NUDT4: variants seen among roughly 807,000 people sequenced by gnomAD.
NUDT4 encodes diphosphoinositol polyphosphate phosphohydrolase 2.
Under a neutral mutation model 23.1 loss-of-function variants are expected in NUDT4, and 5 were observed. The ratio of observed to expected loss-of-function variants is 0.22; its 90% CI spans 0.11 to 0.46. NUDT4 has a LOEUF of 0.46. Ranked by LOEUF, NUDT4 falls within the 20% of genes least tolerant of loss-of-function variation. The probability of loss-of-function intolerance (pLI) is 0.99; values close to 1 mark genes in which losing one functional copy is unlikely to be tolerated. For missense variants in NUDT4, 96 were observed against 211.6 expected, an observed-to-expected ratio of 0.45 and a Z score of 3.39; for synonymous variants, 50 against 79.0, an observed-to-expected ratio of 0.63 and a Z score of 1.95.
intron 1 of NUDT4, among the ~76,000 whole-genome samples, chr12:93,390,780 A>AT (rs1435732500): frequency 6.6e-6 from 1 of 151,838 alleles, no homozygotes; most frequent in African/African-American, 2.4e-5. Context: ...TGATTTCTGT[A>AT]TTTTTTTGTA....
At chr12:93,382,713 GT>G (rs1875770677) in intron 1 of NUDT4, among the ~76,000 whole-genome samples, 1 of 120,310 alleles carries the variant, frequency 8.3e-6, no homozygotes, top group Non-Finnish European at 1.6e-5. Flanking sequence ...GTCTCGCTCT[GT>G]CCTCCAGGCT....
intron 1 of NUDT4, among the ~76,000 whole-genome samples, chr12:93,386,561 CAG>C (rs1476762041): frequency 6.6e-6 from 1 of 151,026 alleles, no homozygotes; most frequent in Admixed American, 6.6e-5. Flanking sequence ...ACCTGGGTGA[CAG>C]AGTGAGACCC....
chr12:93,403,664 G>A lies in NUDT4; in HGVS notation c.*4285G>A, dbSNP rs1248373110. On this transcript the variant is annotated 3_prime_UTR_variant, in exon 5 of 5. Coordinates refer to ENST00000415493, the MANE Select transcript of NUDT4 (RefSeq NM_019094.6). ...CTTCAGTATTTTTCAAGGTTTTACA[G>A]CTTTTTTATCTATAGACTTATACCA... is the stretch of plus-strand genomic sequence containing the variant. 1 of 152,120 alleles carries A rather than the reference G, an allele frequency of 6.6e-6. No homozygotes were observed. The highest frequency in any genetic ancestry group is 1.9e-4 in the East Asian group (1 of 5,192). The allele number at this position is 152,120 out of a possible 1,614,324, so 9.4% of individuals were successfully genotyped here. A position where few individuals can be genotyped will look rare whatever the true frequency, so the allele number is the denominator to read the frequency against.
intron 4 of NUDT4, 135 bp from the exon 5 acceptor site, chr12:93,399,042 G>T: frequency 1.4e-6 from 1 of 718,656 alleles, no homozygotes; most frequent in Non-Finnish European, 2.3e-6. Flanking sequence ...TTCAAATGTA[G>T]AGATGCATAT....
rs566623639 is a variant in NUDT4, at chr12:93,383,715, C to G, written c.99+5294C>G. On this transcript the variant is annotated intron_variant, in intron 1 of 4. Coordinates refer to ENST00000415493, the MANE Select transcript of NUDT4 (RefSeq NM_019094.6). ...GGCGTGGTGGTGTGTGCCTGTAGTG[C>G]TGGCTACTCCGGAGGCTGAGGTAGG... Among the ~76,000 whole-genome samples the G allele has an allele frequency of 3.3e-5, 5 of 152,304 alleles. No homozygotes were observed. The Middle Eastern group carries it at 0.014, about 414-fold the overall frequency.
In NUDT4 at chr12:93,395,472, T is replaced by A; in HGVS notation, c.211-17T>A. On this transcript the variant is annotated splice_polypyrimidine_tract_variant and intron_variant, in intron 2 of 4. Coordinates refer to ENST00000415493, the MANE Select transcript of NUDT4 (RefSeq NM_019094.6). Reference sequence around the variant, plus strand: ...TATAAAAAGGTAAACATTTTATATTTCATCTTTTTTTAATAGGCTGGAGTC... The same window carrying A: ...TATAAAAAGGTAAACATTTTATATTACATCTTTTTTTAATAGGCTGGAGTC... The A allele has an allele frequency of 6.3e-7, 1 of 1,578,290 alleles. No homozygotes were observed. Among genetic ancestry groups the A allele is most frequent in the Admixed American group, 1.7e-5 (1 of 59,866 alleles).
In NUDT4 at chr12:93,403,126, C is replaced by T. The variant is rs1039386082; in HGVS notation, c.*3747C>T. 3 of 151,542 alleles carry T rather than the reference C, an allele frequency of 2.0e-5. No individual in the cohort carries two copies. Among genetic ancestry groups the T allele is most frequent in the African/African-American group, 7.3e-5 (3 of 41,162 alleles). 9.4% of individuals were successfully genotyped at this position (151,542 alleles called of 1,614,324 possible). A position where few individuals can be genotyped will look rare whatever the true frequency, so the allele number is the denominator to read the frequency against. ...TAAGCAGTCCTCCAGCCTCAGCCTT[C>T]TCAAAGTGCTAGGATGATTGGCATG... On this transcript the variant is annotated 3_prime_UTR_variant, in exon 5 of 5. Coordinates refer to ENST00000415493, the MANE Select transcript of NUDT4 (RefSeq NM_019094.6).
intron 1 of NUDT4, among the ~76,000 whole-genome samples, chr12:93,386,792 T>C (rs1209825995): frequency 6.6e-6 from 1 of 152,188 alleles, no homozygotes; most frequent in Non-Finnish European, 1.5e-5. Flanking sequence ...CACTTAAAAT[T>C]TGTATTAGCA....
intron 1 of NUDT4, among the ~76,000 whole-genome samples, chr12:93,379,468 T>A (rs1282137504): frequency 1.3e-5 from 2 of 152,246 alleles, no homozygotes; most frequent in African/African-American, 4.8e-5. Flanking sequence ...GCTTCCTTAC[T>A]GCTAGTCCCT....
rs1043295062 is a variant in NUDT4 at position 93,404,351 on chromosome 12, T to C, written c.*4972T>C. The C allele has an allele frequency of 6.6e-6, 1 of 152,212 alleles. No individual in the cohort carries two copies. Among genetic ancestry groups the C allele is most frequent in the Non-Finnish European group, 1.5e-5 (1 of 68,044 alleles). The allele number at this position is 152,212 out of a possible 1,614,324, so 9.4% of individuals were successfully genotyped here. A position where few individuals can be genotyped will look rare whatever the true frequency, so the allele number is the denominator to read the frequency against. ...ATATCCATATGGTGTAATATTACAGTCATTAGAAATGACATTTGCGTAAGG... is the reference window on the plus strand; with the variant it reads ...ATATCCATATGGTGTAATATTACAGCCATTAGAAATGACATTTGCGTAAGG... On this transcript the variant is annotated 3_prime_UTR_variant, in exon 5 of 5. Transcript: ENST00000415493.
intron 1 of NUDT4, among the ~76,000 whole-genome samples, chr12:93,389,943 C>T (rs1230636521): frequency 3.9e-5 from 6 of 151,946 alleles, no homozygotes; most frequent in Non-Finnish European, 8.8e-5. Context: ...TTCAGAAAAG[C>T]AGACACATCT....
In NUDT4 at chr12:93,400,623, T is replaced by TTG. The variant is rs1426083882; in HGVS notation, c.*1245_*1246insGT. 4 of 151,332 alleles carry TTG rather than the reference T, an allele frequency of 2.6e-5. No individual in the cohort carries two copies. The highest frequency in any genetic ancestry group is 6.6e-5 in the Admixed American group (1 of 15,138). The allele number at this position is 151,332 out of a possible 1,614,324, so 9.4% of individuals were successfully genotyped here. A position where few individuals can be genotyped will look rare whatever the true frequency, so the allele number is the denominator to read the frequency against. On this transcript the variant is annotated 3_prime_UTR_variant, in exon 5 of 5. Coordinates refer to ENST00000415493, the MANE Select transcript of NUDT4 (RefSeq NM_019094.6). The stretch of plus-strand genomic sequence containing the variant: ...GGGATGGGGGAAAGTAAAAGATGTT[T>TTG]TTTTTTTTTTGAGACTCGCTTTGTC...
At chr12:93,384,778 T>A (rs1450818902) in intron 1 of NUDT4, among the ~76,000 whole-genome samples, 1 of 151,708 alleles carries the variant, frequency 6.6e-6, no homozygotes, top group African/African-American at 2.4e-5. Flanking sequence ...CTTTTTTTTT[T>A]AAGAGTCTCA....
chr12:93,384,868 T>G (rs567131200), intron 1 of NUDT4, among the ~76,000 whole-genome samples: 1 of 152,290 alleles, frequency 6.6e-6, no homozygotes, highest in African/African-American at 2.4e-5. Context: ...GCCATTCTCC[T>G]GCCTCAGCCT....
In NUDT4 at chr12:93,400,805, C is replaced by A. The variant is rs1877344425; in HGVS notation, c.*1426C>A. 1 of 152,328 alleles carries A rather than the reference C, an allele frequency of 6.6e-6. No homozygotes were observed. The highest frequency in any genetic ancestry group is 2.1e-4 in the South Asian group (1 of 4,834). The allele number at this position is 152,328 out of a possible 1,614,324, so 9.4% of individuals were successfully genotyped here. A position where few individuals can be genotyped will look rare whatever the true frequency, so the allele number is the denominator to read the frequency against. On this transcript the variant is annotated 3_prime_UTR_variant, in exon 5 of 5. Transcript: ENST00000415493. Reference sequence around the variant, plus strand: ...TGTATTTTTAGTAGAGACAGGGTTTCTTCATGTTGGTCAGGCTGGTCTCAA... The same window carrying A: ...TGTATTTTTAGTAGAGACAGGGTTTATTCATGTTGGTCAGGCTGGTCTCAA...
chr12:93,395,382 G>A, intron 2 of NUDT4, 107 bp from the exon 3 acceptor site: 1 of 770,430 alleles, frequency 1.3e-6, no homozygotes, highest in South Asian at 1.5e-5. Flanking sequence ...TATGGGGAGG[G>A]GTATTGTATT....
Position 93,395,545 on chromosome 12 carries a change from A to G in NUDT4, c.255+12A>G, listed in dbSNP as rs114840574. The G allele has an allele frequency of 1.6e-4, 262 of 1,593,448 alleles. No homozygotes were observed. In the African/African-American group the frequency reaches 3.3e-3, roughly 20 times the overall value. On this transcript the variant is annotated intron_variant, in intron 3 of 4. Transcript: ENST00000415493. ...TGGGCATATTTGAGGTGAGTTAAAA[A>G]GTAATCTTCACTTTGCTGATAATAG...
chr12:93,401,017 AAATAT>A lies in NUDT4; in HGVS notation c.*1642_*1646del. On this transcript the variant is annotated 3_prime_UTR_variant, in exon 5 of 5. Coordinates refer to ENST00000415493, the MANE Select transcript of NUDT4 (RefSeq NM_019094.6). ...ATTTGTTCTACAAATTAACCTTTAA[AAATAT>A]AATTACTGCTAAAAATAGAGTGCTG... is the stretch of plus-strand genomic sequence containing the variant. The A allele has an allele frequency of 6.6e-6, 1 of 152,282 alleles. No homozygotes were observed. The highest frequency in any genetic ancestry group is 6.5e-5 in the Admixed American group (1 of 15,296). 9.4% of individuals were successfully genotyped at this position (152,282 alleles called of 1,614,324 possible). A position where few individuals can be genotyped will look rare whatever the true frequency, so the allele number is the denominator to read the frequency against.
chr12:93,382,524 C>T (rs552751810), intron 1 of NUDT4, among the ~76,000 whole-genome samples: 1 of 152,228 alleles, frequency 6.6e-6, no homozygotes, highest in East Asian at 1.9e-4. Flanking sequence ...AGTTAAATCT[C>T]AACTAGCATT....
Sources: gnomAD v4.1 joint callset for allele counts (sites outside exome capture counted in the v4.1 genomes callset) on GRCh38, gnomAD v4.1.1 for gene constraint, MANE v1.5 for transcripts, NCBI Gene and HGNC (gene_info 2026-07-23, HGNC 2026-07-21) for gene names.